Variants in LIMS2 observed in about 807,000 individuals in gnomAD.
LIMS2 encodes the protein LIM zinc finger domain containing 2.
Under a neutral mutation model 45.3 loss-of-function variants are expected in LIMS2, and 30 were observed. The observed-to-expected ratio is 0.66, with a 90% CI of 0.50 to 0.90. The LOEUF (loss-of-function observed/expected upper bound fraction) is 0.90. Among genes scored for constraint, LIMS2 ranks in the 40% least tolerant of loss-of-function variants. The pLI is 0.00. For missense variants in LIMS2, 485 were observed against 468.7 expected (o/e 1.03, Z -0.32); for synonymous variants, 173 against 188.0 (o/e 0.92, Z 0.65).
upstream of LIMS2, among the ~76,000 whole-genome samples, chr2:127,679,833 G>A (rs1034864543): frequency 6.6e-6 from 1 of 152,160 alleles, no homozygotes; most frequent in African/African-American, 2.4e-5. This position sits in a 1 kb window ranked among gnomAD's most constrained non-coding sequence, Gnocchi z 5.3. Flanking sequence ...ACAGGGAATG[G>A]AGAAGGCCTT....
At chr2:127,650,090 T>G (rs527644901) in intron 4 of LIMS2, 21 of 1,595,880 alleles carry the variant, frequency 1.3e-5, no homozygotes, top group African/African-American at 1.1e-4. Context: ...GTAAAAAGAG[T>G]AGACCTCTGA....
At chr2:127,645,342 G>T (rs1025600837) in intron 4 of LIMS2, among the ~76,000 whole-genome samples, 2 of 152,244 alleles carry the variant, frequency 1.3e-5, no homozygotes, top group Admixed American at 6.5e-5. Context: ...ACCAGGAAGG[G>T]TGATTTGGTT....
At chr2:127,680,572 G>T (rs565396043) in intron 1 of LIMS2, among the ~76,000 whole-genome samples, 162 of 152,356 alleles carry the variant, frequency 1.1e-3, no homozygotes, top group Admixed American at 6.8e-3. Flanking sequence ...CCACACGGCA[G>T]CTCAGTGAGA....
chr2:127,642,498 A>C lies in LIMS2; in HGVS notation c.510-299T>G. The C allele has an allele frequency of 3.7e-6, 1 of 270,720 alleles. No individual in the cohort carries two copies. The highest frequency in any genetic ancestry group is 7.0e-6 in the Non-Finnish European group (1 of 142,570). The allele number at this position is 270,720 out of a possible 1,614,324, so 16.8% of individuals were successfully genotyped here. On this transcript the variant is annotated intron_variant, in intron 5 of 9. Transcript: ENST00000355119. The surrounding 1 kb of genome is among the most constrained non-coding windows in gnomAD (Gnocchi z 5.3). ...TCCAAACCAGAGGGGGTGTCTGGATAGGCACGGAGAGGACTGGAGGGGACG... is the reference window on the plus strand; with the variant it reads ...TCCAAACCAGAGGGGGTGTCTGGATCGGCACGGAGAGGACTGGAGGGGACG...
At chr2:127,651,685 T>C (rs748902619) in intron 4 of LIMS2, 3 of 1,613,196 alleles carry the variant, frequency 1.9e-6, no homozygotes, top group South Asian at 2.2e-5. Context: ...GGCAAAAGGC[T>C]CAAGGGCCCG....
chr2:127,676,848 C>T (rs999194654), upstream of LIMS2, among the ~76,000 whole-genome samples: 5 of 152,104 alleles, frequency 3.3e-5, no homozygotes, highest in Admixed American at 6.5e-5. Flanking sequence ...CACTGCTGGA[C>T]GGTTAATTGA....
chr2:127,673,613 C>T (rs1276770093), intron 1 of LIMS2: 7 of 1,495,570 alleles, frequency 4.7e-6, no homozygotes, highest in South Asian at 3.6e-5. Flanking sequence ...TCCAGCCCCG[C>T]ACCCTTCACG....
At chr2:127,644,062 C>T in intron 4 of LIMS2, 2 of 456,526 alleles carry the variant, frequency 4.4e-6, no homozygotes, top group South Asian at 1.5e-5. Flanking sequence ...TCCCTGGACC[C>T]CAGGACCTGC....
Position 127,642,201 on chromosome 2 carries a change from T to C in LIMS2, c.510-2A>G. On this transcript the variant is annotated splice_acceptor_variant, in intron 5 of 9. Coordinates refer to ENST00000355119, the MANE Select transcript of LIMS2 (RefSeq NM_001161403.3). LOFTEE classifies it high-confidence loss of function. This position sits in a 1 kb window ranked among gnomAD's most constrained non-coding sequence, Gnocchi z 5.3. ...CGGGCCTCGGCTGTCAGCTCCTTCC[T>C]GGAAGACAGCGTGCAGCCCCCAGGT... 6.5e-7 allele frequency: 1 copy of C among 1,546,708 alleles called. No homozygotes were observed. The highest frequency in any genetic ancestry group is 1.8e-5 in the Admixed American group (1 of 55,022).
chr2:127,678,556 T>A (rs1164102161), upstream of LIMS2, among the ~76,000 whole-genome samples: 3 of 152,030 alleles, frequency 2.0e-5, no homozygotes, highest in East Asian at 3.9e-4. This position sits in a 1 kb window ranked among gnomAD's most constrained non-coding sequence, Gnocchi z 5.3. Flanking sequence ...CGTGCGACAG[T>A]AGGGACATTG....
intron 1 of LIMS2, among the ~76,000 whole-genome samples, chr2:127,666,936 G>A (rs1417482693): frequency 6.6e-6 from 1 of 152,156 alleles, no homozygotes; most frequent in African/African-American, 2.4e-5. Context: ...GACACGTGGG[G>A]ATTATAGGGA....
intron 4 of LIMS2, among the ~76,000 whole-genome samples, 183 bp downstream of exon 4, chr2:127,654,241 T>C (rs551038498): frequency 6.6e-6 from 1 of 152,146 alleles, no homozygotes; most frequent in East Asian, 1.9e-4. Context: ...CGTGGGGCCC[T>C]GTAAACTGGG....
chr2:127,642,822 T>C lies in LIMS2; in HGVS notation c.509+101A>G. On this transcript the variant is annotated intron_variant, in intron 5 of 9. Coordinates refer to ENST00000355119, the MANE Select transcript of LIMS2 (RefSeq NM_001161403.3). This position sits in a 1 kb window ranked among gnomAD's most constrained non-coding sequence, Gnocchi z 5.3. ...TCTGTCTGCCCACCCTGCTCCCCTC[T>C]CCCTCCTCAACACTTCCCCAGGTGG... is the stretch of plus-strand genomic sequence containing the variant. 7.5e-7 allele frequency: 1 copy of C among 1,329,976 alleles called. No homozygotes were observed. The highest frequency in any genetic ancestry group is 1.0e-6 in the Non-Finnish European group (1 of 977,868). 82.4% of individuals were successfully genotyped at this position (1,329,976 alleles called of 1,614,324 possible).
At chr2:127,673,556 G>T in intron 1 of LIMS2, 1 of 1,013,030 alleles carries the variant, frequency 9.9e-7, no homozygotes, top group Non-Finnish European at 1.5e-6. Context: ...GGACTCAGGG[G>T]CAAGAGGACC....
chr2:127,663,094 T>G (rs967227605), intron 1 of LIMS2, among the ~76,000 whole-genome samples: 1 of 152,106 alleles, frequency 6.6e-6, no homozygotes, highest in Admixed American at 6.5e-5. Flanking sequence ...GTCATCATCG[T>G]GCCTGTCCTG....
At chr2:127,661,740 C>G (rs1041233311) in intron 1 of LIMS2, among the ~76,000 whole-genome samples, 4 of 152,198 alleles carry the variant, frequency 2.6e-5, no homozygotes, top group African/African-American at 9.7e-5. Context: ...CAATTTGTTG[C>G]AAGATGTCCC....
intron 1 of LIMS2, among the ~76,000 whole-genome samples, chr2:127,663,118 T>C (rs1193487034): frequency 6.6e-6 from 1 of 152,120 alleles, no homozygotes. Flanking sequence ...GCATCTCAGC[T>C]GTGGTATCAG....
chr2:127,640,929 C>G lies in LIMS2; in HGVS notation c.720G>C (p.Lys240Asn). The G allele has an allele frequency of 1.2e-6, 2 of 1,613,948 alleles. No individual in the cohort carries two copies. The highest frequency in any genetic ancestry group is 2.2e-5 in the East Asian group (1 of 44,886). Residue 240 changes from lysine (K) to asparagine (N), a missense_variant, in exon 7 of 10, where the codon AAG becomes AAC. Coordinates refer to ENST00000355119, the MANE Select transcript of LIMS2 (RefSeq NM_001161403.3). ...AGTGAGTCTCGCAGTAGGCCAGGCC[C>G]TTCTTCTCATAGTGCCGGTGCCCCA... ...PFLGHRHYEK[K>N]GLAYCETHYN...
Position 127,640,334 on chromosome 2 carries a change from G to A in LIMS2, c.754-16C>T. On this transcript the variant is annotated splice_polypyrimidine_tract_variant and intron_variant, in intron 7 of 9. Coordinates refer to ENST00000355119, the MANE Select transcript of LIMS2 (RefSeq NM_001161403.3). ...CCCCGAAGAGCTGTGGGCCGAGCAG[G>A]CTGTCAGAGTAGCTGCAGGCAGTCA... is the stretch of plus-strand genomic sequence containing the variant. 3.7e-6 allele frequency: 6 copies of A among 1,611,938 alleles called. No individual in the cohort carries two copies. Among genetic ancestry groups the A allele is most frequent in the Middle Eastern group, 1.8e-4 (1 of 5,546 alleles).
Sources: allele counts gnomAD v4.1 joint callset (sites outside exome capture counted in the v4.1 genomes callset), GRCh38; gene constraint gnomAD v4.1.1; non-coding constraint Gnocchi (gnomAD v3.1); transcripts MANE v1.5; gene names NCBI Gene and HGNC (gene_info 2026-07-23, HGNC 2026-07-21).